Variants in DMXL2 observed in about 807,000 individuals in gnomAD.
DMXL2 encodes Dmx like 2.
DMXL2 carries 103 observed loss-of-function variants against 331.1 expected under a neutral mutation model. The observed-to-expected ratio is 0.31, with a 90% CI of 0.27 to 0.37. The LOEUF (loss-of-function observed/expected upper bound fraction) is 0.37, where lower values mean the gene tolerates loss of function less well. Ranked by LOEUF, DMXL2 falls within the 10% of genes least tolerant of loss-of-function variation. The pLI, the probability that DMXL2 is intolerant of heterozygous loss-of-function variation, is 1.00. For synonymous variants in DMXL2, 1,281 were observed against 1,252.1 expected (o/e 1.02, Z -0.49); for missense variants, 3,171 against 3,642.9 (o/e 0.87, Z 3.33).
chr15:51,520,614 T>C (rs539197490), intron 13 of DMXL2, among the ~76,000 whole-genome samples: 2 of 152,188 alleles, frequency 1.3e-5, no homozygotes, highest in South Asian at 4.1e-4. Flanking sequence ...CCCAGCACTT[T>C]GGGGGGCCGA....
chr15:51,567,961 T>C (rs2050401151), intron 3 of DMXL2: 3 of 152,940 alleles, frequency 2.0e-5, no homozygotes, highest in South Asian at 4.1e-4. Flanking sequence ...TACATGCCTA[T>C]AGTCGCAACT....
chr15:51,592,088 G>C (rs1243124216), intron 1 of DMXL2, among the ~76,000 whole-genome samples: 1 of 145,694 alleles, frequency 6.9e-6, no homozygotes, highest in Non-Finnish European at 1.5e-5. Flanking sequence ...CGAGCTGAGA[G>C]AAGAAGGCTT....
intron 16 of DMXL2, among the ~76,000 whole-genome samples, chr15:51,505,513 G>C (rs973727147): frequency 1.3e-5 from 2 of 152,220 alleles, no homozygotes; most frequent in African/African-American, 4.8e-5. Context: ...TCTGCTGGGT[G>C]AATCTCTTCC....
chr15:51,540,718 T>C (rs182412184), intron 9 of DMXL2, among the ~76,000 whole-genome samples: 37 of 152,300 alleles, frequency 2.4e-4, no homozygotes, highest in Admixed American at 5.9e-4. Flanking sequence ...TCAACCTAAA[T>C]GTTATATTTA....
In DMXL2 at chr15:51,456,318, G is replaced by T; in HGVS notation, c.8389C>A (p.His2797Asn). 1 of 1,599,384 alleles carries T rather than the reference G, an allele frequency of 6.3e-7. No individual in the cohort carries two copies. Among genetic ancestry groups the T allele is most frequent in the Non-Finnish European group, 8.5e-7 (1 of 1,174,206 alleles). ...NVKRMTSHPV[H>N]QYYLTGAQDG... ...GGTCATAAATACTTACAGTATTGATGGACTGGGTGTGAAGTCATTCTCTTA... is the reference window on the plus strand; with the variant it reads ...GGTCATAAATACTTACAGTATTGATTGACTGGGTGTGAAGTCATTCTCTTA... The change falls in exon 38 of 44, where the codon CAT becomes AAT. Residue 2797 changes from histidine to asparagine, a missense_variant. This residue lies in a region of DMXL2 where 766 missense variants were observed against 940.5 expected (regional missense o/e 0.81). Coordinates refer to ENST00000560891, the MANE Select transcript of DMXL2 (RefSeq NM_001378457.1).
At chr15:51,501,952 C>G (rs919026743) in intron 17 of DMXL2, among the ~76,000 whole-genome samples, 2 of 145,580 alleles carry the variant, frequency 1.4e-5, no homozygotes, top group Non-Finnish European at 3.0e-5. Context: ...TTATTTTGGC[C>G]GGGCGTGGTG....
intron 13 of DMXL2, among the ~76,000 whole-genome samples, chr15:51,524,421 A>T (rs2047552327): frequency 6.6e-6 from 1 of 152,180 alleles, no homozygotes; most frequent in Non-Finnish European, 1.5e-5. Context: ...ATACGAAAAA[A>T]AGCACCTTCA....
rs200604846 is a variant in DMXL2 at position 51,521,467 on chromosome 15, A to G, written c.2437-4300T>C. The stretch of plus-strand genomic sequence containing the variant: ...TAGTAGTAGTAGTAGTAGTAGTGGT[A>G]GTGGTAGTAGTAGTAGTAGTAGCAG... On this transcript the variant is annotated intron_variant, in intron 13 of 43. Transcript: ENST00000560891. Among the ~76,000 whole-genome samples the G allele has an allele frequency of 3.6e-4, 53 of 147,238 alleles. No homozygotes were observed. In the South Asian group the frequency reaches 6.6e-3, roughly 18 times the overall value.
chr15:51,541,801 C>A (rs755166851), intron 9 of DMXL2, among the ~76,000 whole-genome samples: 1 of 152,004 alleles, frequency 6.6e-6, no homozygotes. Context: ...CATTTGCCAA[C>A]ACAGAACCTG....
Position 51,480,040 on chromosome 15 carries a change from G to T in DMXL2, c.6664C>A (p.Pro2222Thr). Residue 2222 changes from proline to threonine, a missense_variant, in exon 25 of 44, where the codon CCT becomes ACT. Coordinates refer to ENST00000560891, the MANE Select transcript of DMXL2 (RefSeq NM_001378457.1). ...ATGTGATTATTTAAGTACAATACAG[G>T]ATTAGCTATGACTGTTTTTGTTGAC... Reference protein sequence around the residue: ...IASTKTVIANPVLYLNNHIHD... With the variant: ...IASTKTVIANTVLYLNNHIHD... The T allele has an allele frequency of 6.2e-7, 1 of 1,603,258 alleles. No individual in the cohort carries two copies. Among genetic ancestry groups the T allele is most frequent in the Non-Finnish European group, 8.5e-7 (1 of 1,171,516 alleles).
chr15:51,564,485 C>T (rs958500889), intron 4 of DMXL2, among the ~76,000 whole-genome samples: 1 of 151,818 alleles, frequency 6.6e-6, no homozygotes, highest in Admixed American at 6.6e-5. Context: ...CAAAGTAAAG[C>T]TTACTGGCAA....
chr15:51,521,461 A>AGTAGTAGTAGTG (rs1310234991), intron 13 of DMXL2, among the ~76,000 whole-genome samples: 1 of 111,672 alleles, frequency 9.0e-6, no homozygotes, highest in East Asian at 2.6e-4. Context: ...TAGTAGTAGT[A>AGTAGTAGTAGTG]GTGGTAGTGG....
chr15:51,513,902 A>G (rs2046893790), intron 15 of DMXL2, among the ~76,000 whole-genome samples: 1 of 152,162 alleles, frequency 6.6e-6, no homozygotes, highest in Non-Finnish European at 1.5e-5. Context: ...GTTTAAACTA[A>G]ACGTCATATT....
At chr15:51,556,780 A>T (rs564248942) in intron 6 of DMXL2, among the ~76,000 whole-genome samples, 184 of 152,298 alleles carry the variant, frequency 1.2e-3, no homozygotes, top group African/African-American at 4.2e-3. Flanking sequence ...TCCAAAAAAA[A>T]AAGATAAAAA....
intron 40 of DMXL2, among the ~76,000 whole-genome samples, chr15:51,454,742 G>A (rs1165719576): frequency 1.3e-5 from 2 of 151,956 alleles, no homozygotes; most frequent in African/African-American, 2.4e-5. Context: ...TGATCTGCCC[G>A]CCTCGGCCTC....
chr15:51,559,439 G>A (rs2049810047), intron 6 of DMXL2, among the ~76,000 whole-genome samples: 1 of 152,198 alleles, frequency 6.6e-6, no homozygotes, highest in Non-Finnish European at 1.5e-5. Context: ...AGGAGGCCAG[G>A]CACAGTGGCT....
rs1416496105 is a variant in DMXL2, at chr15:51,476,679, G to T, written c.6874C>A (p.Gln2292Lys). The change falls in exon 27 of 44, where the codon CAA becomes AAA. Residue 2292 changes from glutamine (Q) to lysine (K), a missense_variant. Physicochemically the swap from Gln to Lys is moderately conservative, Grantham distance 53. Transcript: ENST00000560891. ...EGNQFTGMAY[Q>K]GLLLSDRRRL... ...CTACGATCACTTAAAAGAAGTCCTT[G>T]ATAAGCCATTCCTGTAAACTGATTT... 2 of 1,608,542 alleles carry T rather than the reference G, an allele frequency of 1.2e-6. No homozygotes were observed. Among genetic ancestry groups the T allele is most frequent in the African/African-American group, 2.7e-5 (2 of 74,546 alleles).
Position 51,480,815 on chromosome 15 carries a change from A to G in DMXL2, c.6291T>C (p.Tyr2097=). The G allele has an allele frequency of 6.2e-7, 1 of 1,611,470 alleles. No homozygotes were observed. Among genetic ancestry groups the G allele is most frequent in the Non-Finnish European group, 8.5e-7 (1 of 1,178,754 alleles). The change falls in exon 24 of 44, where the codon TAT becomes TAC. Residue 2097 remains tyrosine, a synonymous_variant. Coordinates refer to ENST00000560891, the MANE Select transcript of DMXL2 (RefSeq NM_001378457.1). ...ICNHESVIKE[Y]SSKTYSKVES... ...CTACTTTGGAATATGTCTTACTGGAATACTCTTTAATAACTGATTCATGAT... is the reference window on the plus strand; with the variant it reads ...CTACTTTGGAATATGTCTTACTGGAGTACTCTTTAATAACTGATTCATGAT...
chr15:51,569,674 T>C (rs2050532294), intron 2 of DMXL2, among the ~76,000 whole-genome samples: 1 of 152,206 alleles, frequency 6.6e-6, no homozygotes, highest in African/African-American at 2.4e-5. Flanking sequence ...CCGCTGGTGA[T>C]ACCCAGGCAA....
Sources: allele counts gnomAD v4.1 joint callset (sites outside exome capture counted in the v4.1 genomes callset), GRCh38; gene constraint gnomAD v4.1.1; regional missense constraint gnomAD v4.1.1; transcripts MANE v1.5; gene names NCBI Gene and HGNC (gene_info 2026-07-23, HGNC 2026-07-21).